The following ANXA3 variants were observed in gnomAD, a reference collection of about 807,000 sequenced individuals.
ANXA3 encodes the protein 35-alpha calcimedin.
A neutral mutation model predicts 48.8 loss-of-function variants in ANXA3; 46 were observed. The ratio of observed to expected loss-of-function variants is 0.94; its 90% CI spans 0.74 to 1.21. ANXA3 has a LOEUF of 1.21. ANXA3 is among the 50% of genes most tolerant of loss of function. The pLI is 0.00. For synonymous variants in ANXA3, 128 were observed against 134.7 expected, an observed-to-expected ratio of 0.95 and a Z score of 0.35; for missense variants, 383 against 378.6, an observed-to-expected ratio of 1.01 and a Z score of -0.10.
intron 9 of ANXA3, 74 bp downstream of exon 9, chr4:78,595,961 T>C (rs1246373895): frequency 8.7e-6 from 9 of 1,038,458 alleles, no homozygotes; most frequent in Non-Finnish European, 1.3e-5. Flanking sequence ...TATACAAAGA[T>C]CTAGAAAAAC....
chr4:78,592,882 A>T (rs917001694), intron 7 of ANXA3, among the ~76,000 whole-genome samples: 8 of 152,322 alleles, frequency 5.3e-5, no homozygotes, highest in African/African-American at 9.6e-5. Context: ...AGAGAACAAG[A>T]AGAAAGCAAA....
chr4:78,555,601 G>A (rs1722493918), intron 2 of ANXA3, among the ~76,000 whole-genome samples: 1 of 151,994 alleles, frequency 6.6e-6, no homozygotes, highest in Non-Finnish European at 1.5e-5. Context: ...CATTTTGGGA[G>A]GCCAAGATGG....
intron 6 of ANXA3, among the ~76,000 whole-genome samples, chr4:78,588,370 G>A (rs1004900461): frequency 2.0e-5 from 3 of 152,158 alleles, no homozygotes; most frequent in Admixed American, 6.5e-5. Context: ...TCCAGCCTGC[G>A]TGACAGAGTG....
At chr4:78,561,946 A>G (rs1014839396) in intron 2 of ANXA3, among the ~76,000 whole-genome samples, 1 of 152,236 alleles carries the variant, frequency 6.6e-6, no homozygotes, top group African/African-American at 2.4e-5. Flanking sequence ...CTGAGTGAGA[A>G]CAGAGAGGCT....
chr4:78,580,571 A>G (rs1443738943), intron 4 of ANXA3, among the ~76,000 whole-genome samples: 2 of 152,178 alleles, frequency 1.3e-5, no homozygotes, highest in African/African-American at 4.8e-5. Flanking sequence ...TGGCTGCTGT[A>G]GATAATGAAC....
intron 5 of ANXA3, 101 bp downstream of exon 5, chr4:78,582,391 C>T (rs1723090713): frequency 1.3e-6 from 1 of 747,302 alleles, no homozygotes; most frequent in African/African-American, 1.7e-5. Context: ...GACTTGGATG[C>T]CCTTTTGGTC....
Position 78,557,636 on chromosome 4 carries a change from C to A in ANXA3, c.15+3148C>A, listed in dbSNP as rs546815817. On this transcript the variant is annotated intron_variant, in intron 2 of 12. Coordinates refer to ENST00000264908, the MANE Select transcript of ANXA3 (RefSeq NM_005139.3). The stretch of plus-strand genomic sequence containing the variant: ...CCTGAGCCTGGAGGGCAAACCCACA[C>A]GTGGAGAAAGAGGCCCTAGCCAAAG... Among the ~76,000 whole-genome samples, 171 of 151,276 alleles carry A rather than the reference C, an allele frequency of 1.1e-3. 1 individual carries two copies. The highest frequency in any genetic ancestry group is 3.8e-3 in the African/African-American group (158 of 41,158).
At chr4:78,585,914 G>A (rs1723165366) in intron 5 of ANXA3, among the ~76,000 whole-genome samples, 1 of 152,194 alleles carries the variant, frequency 6.6e-6, no homozygotes, top group Non-Finnish European at 1.5e-5. Flanking sequence ...AAGTATTATA[G>A]AGCCTTTTCT....
intron 7 of ANXA3, among the ~76,000 whole-genome samples, chr4:78,594,218 C>T (rs542732565): frequency 1.6e-4 from 25 of 152,300 alleles, no homozygotes; most frequent in Non-Finnish European, 2.9e-4. Flanking sequence ...TATGTCTTTT[C>T]ATGGCTTGAT....
intron 3 of ANXA3, among the ~76,000 whole-genome samples, chr4:78,577,147 C>G (rs553159845): frequency 6.6e-6 from 1 of 152,142 alleles, no homozygotes; most frequent in East Asian, 1.9e-4. Context: ...CAGTAGTTTA[C>G]AGGAATAATT....
chr4:78,557,994 A>G (rs1036623045), intron 2 of ANXA3, among the ~76,000 whole-genome samples: 5 of 152,224 alleles, frequency 3.3e-5, no homozygotes, highest in Non-Finnish European at 7.3e-5. Flanking sequence ...AGAAGAATGA[A>G]TAAACAAAAT....
intron 2 of ANXA3, among the ~76,000 whole-genome samples, chr4:78,567,629 T>C (rs992687491): frequency 6.6e-6 from 1 of 152,222 alleles, no homozygotes; most frequent in Non-Finnish European, 1.5e-5. Context: ...CCTTTGAATC[T>C]CTGTGGGCAG....
At chr4:78,602,565 G>A (rs1012404187) in intron 11 of ANXA3, 2 of 152,178 alleles carry the variant, frequency 1.3e-5, no homozygotes, top group Non-Finnish European at 2.9e-5. Flanking sequence ...CTTTAATGAT[G>A]CCGTAACCCT....
At chr4:78,578,182 G>A (rs1361462681) in intron 3 of ANXA3, among the ~76,000 whole-genome samples, 6 of 151,876 alleles carry the variant, frequency 4.0e-5, no homozygotes, top group Non-Finnish European at 8.8e-5. Flanking sequence ...TTGGGAGACT[G>A]AGGCAGGAGA....
intron 1 of ANXA3, chr4:78,554,115 C>T (rs1056579027): frequency 5.1e-6 from 1 of 194,848 alleles, no homozygotes; most frequent in African/African-American, 2.3e-5. Context: ...CAGTAATCAG[C>T]AGAGTTCTCC....
intron 4 of ANXA3, among the ~76,000 whole-genome samples, chr4:78,579,367 A>G (rs562436734): frequency 6.6e-6 from 1 of 152,296 alleles, no homozygotes; most frequent in East Asian, 1.9e-4. Context: ...GCCTTAGCCC[A>G]GTGGGTTCTA....
intron 7 of ANXA3, among the ~76,000 whole-genome samples, chr4:78,593,186 G>C (rs572711036): frequency 1.3e-5 from 2 of 150,408 alleles, no homozygotes; most frequent in East Asian, 2.0e-4. Context: ...TATCACAGTT[G>C]GGGATCTTTG....
intron 7 of ANXA3, among the ~76,000 whole-genome samples, chr4:78,593,512 T>G (rs973289793): frequency 6.6e-6 from 1 of 151,676 alleles, no homozygotes; most frequent in Admixed American, 6.6e-5. Flanking sequence ...TTTGAGTTTT[T>G]TTTTTTTTTA....
At chr4:78,559,343 G>A (rs1436787087) in intron 2 of ANXA3, among the ~76,000 whole-genome samples, 1 of 152,102 alleles carries the variant, frequency 6.6e-6, no homozygotes, top group Admixed American at 6.6e-5. Context: ...TTGGCCTTCG[G>A]AAGTGTTGGG....
Sources: gnomAD v4.1 joint callset for allele counts (sites outside exome capture counted in the v4.1 genomes callset) on GRCh38, gnomAD v4.1.1 for gene constraint, MANE v1.5 for transcripts, NCBI Gene and HGNC (gene_info 2026-07-23, HGNC 2026-07-21) for gene names.